The following EXT1 variants were observed in gnomAD, a reference collection of about 807,000 sequenced individuals.
The protein encoded by EXT1 is exostosin-1.
EXT1 carries 20 observed loss-of-function variants against 82.5 expected under a neutral mutation model. The observed-to-expected ratio is 0.24, with a 90% CI of 0.17 to 0.35. The LOEUF (loss-of-function observed/expected upper bound fraction) is 0.35, where lower values mean the gene tolerates loss of function less well. EXT1 is among the 10% of genes least tolerant of loss of function. EXT1 has a pLI of 1.00. For missense variants in EXT1, 757 were observed against 936.5 expected, an observed-to-expected ratio of 0.81 and a Z score of 2.50; for synonymous variants, 348 against 350.8, an observed-to-expected ratio of 0.99 and a Z score of 0.09.
At chr8:118,090,366 G>A (rs916553625) in intron 1 of EXT1, among the ~76,000 whole-genome samples, 1 of 152,168 alleles carries the variant, frequency 6.6e-6, no homozygotes, top group Admixed American at 6.5e-5. Flanking sequence ...GCTGCAGTGA[G>A]CCATGACAGT....
chr8:117,962,936 A>T (rs1256629227), intron 1 of EXT1, among the ~76,000 whole-genome samples: 1 of 152,256 alleles, frequency 6.6e-6, no homozygotes, highest in African/African-American at 2.4e-5. Flanking sequence ...GATAGCATTA[A>T]TTTAAGCATA....
At chr8:117,979,987 A>G (rs1283180234) in intron 1 of EXT1, among the ~76,000 whole-genome samples, 2 of 152,216 alleles carry the variant, frequency 1.3e-5, no homozygotes, top group South Asian at 2.1e-4. Flanking sequence ...TAATGTGACC[A>G]TGGACAAGGT....
chr8:117,912,914 T>G (rs779252692), intron 1 of EXT1, among the ~76,000 whole-genome samples: 3 of 152,156 alleles, frequency 2.0e-5, no homozygotes, highest in Non-Finnish European at 4.4e-5. Flanking sequence ...GAGCTAACAA[T>G]GGGACAACTG....
At chr8:117,881,598 A>G (rs989089870) in intron 1 of EXT1, among the ~76,000 whole-genome samples, 10 of 152,212 alleles carry the variant, frequency 6.6e-5, no homozygotes, top group African/African-American at 2.2e-4. Context: ...ACTAAGGCCA[A>G]TTGTAATGCA....
intron 1 of EXT1, among the ~76,000 whole-genome samples, chr8:117,907,368 C>A (rs928803814): frequency 6.6e-6 from 1 of 152,184 alleles, no homozygotes; most frequent in Non-Finnish European, 1.5e-5. Flanking sequence ...CAGAGCCTTG[C>A]ACAAAGGGTT....
chr8:118,102,592 G>A (rs976938728), intron 1 of EXT1, among the ~76,000 whole-genome samples: 1 of 152,134 alleles, frequency 6.6e-6, no homozygotes, highest in African/African-American at 2.4e-5. Context: ...AGAAAAATGT[G>A]TTGAATTCAT....
At chr8:118,044,367 C>CT (rs1816585396) in intron 1 of EXT1, among the ~76,000 whole-genome samples, 2 of 151,824 alleles carry the variant, frequency 1.3e-5, no homozygotes, top group Admixed American at 1.3e-4. Flanking sequence ...AAACCTAGAC[C>CT]TGTGGGCCAA....
intron 1 of EXT1, among the ~76,000 whole-genome samples, chr8:118,079,578 G>T (rs1038486042): frequency 6.6e-6 from 1 of 152,118 alleles, no homozygotes; most frequent in Non-Finnish European, 1.5e-5. Flanking sequence ...TATTCAGAGG[G>T]GTGACAATAC....
chr8:118,012,792 TC>T (rs899535650), intron 1 of EXT1, among the ~76,000 whole-genome samples: 8 of 152,166 alleles, frequency 5.3e-5, no homozygotes, highest in Non-Finnish European at 1.0e-4. Flanking sequence ...ATTATTTTTC[TC>T]ACAAAAAAGA....
chr8:118,110,460 T>G lies in EXT1; in HGVS notation c.587A>C (p.Tyr196Ser). ...NGRNHLIFNL[Y>S]SGTWPDYTED... ...GGTGTAGTCAGGCCAAGTGCCGGAA[T>G]ATAAATTAAAAATTAAATGATTCCT... The change falls in exon 1 of 11, where the codon TAT becomes TCT. Residue 196 changes from tyrosine (Y) to serine (S), a missense_variant. Tyr to Ser is a moderately radical substitution (Grantham distance 144). Transcript: ENST00000378204. 6.2e-7 allele frequency: 1 copy of G among 1,614,134 alleles called. No homozygotes were observed. The highest frequency in any genetic ancestry group is 8.5e-7 in the Non-Finnish European group (1 of 1,180,042).
rs952792167 is a variant in EXT1, at chr8:117,800,424, TCA to T, written c.2056-529_2056-528del. On this transcript the variant is annotated intron_variant, in intron 10 of 10. Transcript: ENST00000378204. ...TCCTACTAAATCCTTTGTTAAAAAT[TCA>T]CATATATAGTTGAAGAAGAACAAAA... Among the ~76,000 whole-genome samples, 60 of 152,288 alleles carry T rather than the reference TCA, an allele frequency of 3.9e-4. 1 individual carries two copies. The highest frequency in any genetic ancestry group is 1.4e-3 in the African/African-American group (58 of 41,562).
intron 1 of EXT1, among the ~76,000 whole-genome samples, chr8:118,088,059 A>G (rs1364182768): frequency 6.6e-6 from 1 of 152,104 alleles, no homozygotes; most frequent in Non-Finnish European, 1.5e-5. Context: ...GGTAGAGAGT[A>G]AATGCATTGA....
At chr8:117,903,894 G>A (rs1813496628) in intron 1 of EXT1, among the ~76,000 whole-genome samples, 1 of 152,222 alleles carries the variant, frequency 6.6e-6, no homozygotes, top group Non-Finnish European at 1.5e-5. Context: ...GCTGGGAACA[G>A]TCAAATTCTT....
At chr8:117,844,352 T>C (rs1812320297) in intron 1 of EXT1, among the ~76,000 whole-genome samples, 1 of 151,716 alleles carries the variant, frequency 6.6e-6, no homozygotes. Flanking sequence ...GGGGTCTCAC[T>C]TTGTTGCCCA....
At chr8:117,953,938 A>G (rs1814540920) in intron 1 of EXT1, among the ~76,000 whole-genome samples, 1 of 152,106 alleles carries the variant, frequency 6.6e-6, no homozygotes, top group Non-Finnish European at 1.5e-5. Context: ...AAAAATAAAA[A>G]TAAAAAAACT....
At chr8:117,813,318 T>C (rs775680101) in intron 7 of EXT1, among the ~76,000 whole-genome samples, 39 of 138,670 alleles carry the variant, frequency 2.8e-4, no homozygotes, top group Admixed American at 7.8e-4. Flanking sequence ...CAACTAGCTG[T>C]CTGGAAGAGC....
intron 1 of EXT1, among the ~76,000 whole-genome samples, chr8:117,893,893 C>G (rs759281733): frequency 6.6e-6 from 1 of 152,198 alleles, no homozygotes; most frequent in Admixed American, 6.5e-5. Context: ...AGAATCCCCA[C>G]GCTGGTTATC....
intron 1 of EXT1, among the ~76,000 whole-genome samples, chr8:117,936,830 A>G (rs553749452): frequency 1.8e-4 from 27 of 152,162 alleles, no homozygotes; most frequent in Non-Finnish European, 1.6e-4. Flanking sequence ...AGTTGAGATC[A>G]TGCCACTGCA....
intron 1 of EXT1, among the ~76,000 whole-genome samples, chr8:118,044,329 T>C: frequency 6.6e-6 from 1 of 152,004 alleles, no homozygotes; most frequent in Admixed American, 6.6e-5. Context: ...GCTGCCCCCA[T>C]GGCTCATATA....
Sources: allele counts gnomAD v4.1 joint callset (sites outside exome capture counted in the v4.1 genomes callset), GRCh38; gene constraint gnomAD v4.1.1; transcripts MANE v1.5; gene names NCBI Gene and HGNC (gene_info 2026-07-23, HGNC 2026-07-21).